The following FMN2 variants were observed in gnomAD, a reference collection of about 807,000 sequenced individuals.
FMN2 encodes formin-2.
In FMN2, 51 loss-of-function variants were observed where a neutral mutation model predicts 142.3. The ratio of observed to expected loss-of-function variants is 0.36; its 90% CI spans 0.29 to 0.45. FMN2 has a LOEUF of 0.45. FMN2 is among the 20% of genes least tolerant of loss of function. The probability of loss-of-function intolerance (pLI) is 1.00; values close to 1 mark genes in which losing one functional copy is unlikely to be tolerated. For missense variants in FMN2, 1,936 were observed against 2,122.8 expected (o/e 0.91, Z 1.73); for synonymous variants, 882 against 869.8 (o/e 1.01, Z -0.25).
At chr1:240,395,362 G>C (rs910685413) in intron 15 of FMN2, among the ~76,000 whole-genome samples, 32 of 152,314 alleles carry the variant, frequency 2.1e-4, no homozygotes, top group African/African-American at 7.2e-4. Flanking sequence ...TGTAGCTCAT[G>C]GATCAAGGAG....
chr1:240,108,188 C>A (rs1661685036), intron 1 of FMN2, among the ~76,000 whole-genome samples: 1 of 152,278 alleles, frequency 6.6e-6, no homozygotes, highest in Non-Finnish European at 1.5e-5. Context: ...GCAGGGAGTT[C>A]ATCATCCTTG....
intron 2 of FMN2, among the ~76,000 whole-genome samples, chr1:240,135,307 T>C (rs1026662105): frequency 2.0e-5 from 3 of 152,176 alleles, no homozygotes; most frequent in Non-Finnish European, 4.4e-5. Flanking sequence ...AAATCATGGA[T>C]GGGAACAGTC....
At chr1:240,380,490 C>A (rs1673187531) in intron 14 of FMN2, among the ~76,000 whole-genome samples, 1 of 152,012 alleles carries the variant, frequency 6.6e-6, no homozygotes, top group South Asian at 2.1e-4. Context: ...TAATTAAATC[C>A]TGTTGAACTG....
At chr1:240,305,230 A>G (rs915470909) in intron 8 of FMN2, among the ~76,000 whole-genome samples, 6 of 152,118 alleles carry the variant, frequency 3.9e-5, no homozygotes, top group African/African-American at 1.4e-4. Flanking sequence ...ACATTGGATA[A>G]TTTTGTATCT....
rs548142864 is a variant in FMN2 at position 240,136,255 on chromosome 1, C to T, written c.1782+12910C>T. On this transcript the variant is annotated intron_variant, in intron 2 of 17. Transcript: ENST00000319653. ...GGCAAAACGGGTGATGTTTTTCCCC[C>T]GTTATGCTCAATTCAAGTGCATCGT... Among the ~76,000 whole-genome samples the T allele has an allele frequency of 3.2e-4, 49 of 152,140 alleles. No homozygotes were observed. The South Asian group carries it at 4.2e-3, about 13-fold the overall frequency.
chr1:240,265,863 T>A (rs1668778087), intron 7 of FMN2, among the ~76,000 whole-genome samples: 1 of 151,770 alleles, frequency 6.6e-6, no homozygotes, highest in Non-Finnish European at 1.5e-5. Context: ...CTGTAGGCTT[T>A]GGAGGTGTTT....
chr1:240,309,850 G>A (rs1670543362), intron 8 of FMN2, among the ~76,000 whole-genome samples: 1 of 152,120 alleles, frequency 6.6e-6, no homozygotes, highest in Non-Finnish European at 1.5e-5. Context: ...GAGGGTTGAG[G>A]TTTTAGGAGG....
At chr1:240,209,474 C>T (rs1423558631) in intron 5 of FMN2, among the ~76,000 whole-genome samples, 2 of 149,300 alleles carry the variant, frequency 1.3e-5, no homozygotes, top group African/African-American at 4.9e-5. Flanking sequence ...AGGATGGTTT[C>T]CCATCTCCTG....
intron 1 of FMN2, among the ~76,000 whole-genome samples, chr1:240,106,289 T>C (rs1012743011): frequency 6.6e-6 from 1 of 152,220 alleles, no homozygotes; most frequent in African/African-American, 2.4e-5. Context: ...ATATGTAGTC[T>C]GTGTTAACAT....
At chr1:240,380,764 T>C (rs1352089348) in intron 14 of FMN2, among the ~76,000 whole-genome samples, 2 of 143,232 alleles carry the variant, frequency 1.4e-5, no homozygotes, top group African/African-American at 5.1e-5. Context: ...CTAAATGAGA[T>C]TGAGACCAAA....
chr1:240,154,107 C>CAA (rs3047182), intron 2 of FMN2, among the ~76,000 whole-genome samples: 1,231 of 55,260 alleles, frequency 0.022, 72 homozygotes, highest in African/African-American at 0.078. Flanking sequence ...GAGATTCCAT[C>CAA]AAAAAAAAAA....
intron 2 of FMN2, among the ~76,000 whole-genome samples, chr1:240,163,461 G>A (rs1664360585): frequency 6.6e-6 from 1 of 152,052 alleles, no homozygotes; most frequent in African/African-American, 2.4e-5. Context: ...CTCTCACTTT[G>A]TTTCTTATGA....
At chr1:240,433,175 C>T (rs1034567982) in intron 15 of FMN2, among the ~76,000 whole-genome samples, 16 of 152,184 alleles carry the variant, frequency 1.1e-4, no homozygotes, top group Admixed American at 7.2e-4. Flanking sequence ...GTTATGTCTT[C>T]TTGATAATGT....
intron 16 of FMN2, among the ~76,000 whole-genome samples, chr1:240,442,380 C>T (rs1675652745): frequency 6.6e-6 from 1 of 152,238 alleles, no homozygotes; most frequent in South Asian, 2.1e-4. Flanking sequence ...CTTAGCAGTT[C>T]ACAAACCTGA....
At chr1:240,238,971 G>T (rs566550224) in intron 6 of FMN2, among the ~76,000 whole-genome samples, 2 of 131,318 alleles carry the variant, frequency 1.5e-5, no homozygotes, top group Non-Finnish European at 3.2e-5. Flanking sequence ...TTGTGTGGGG[G>T]AGTATTGAAG....
intron 7 of FMN2, among the ~76,000 whole-genome samples, chr1:240,270,103 G>C (rs1668947043): frequency 6.6e-6 from 1 of 152,022 alleles, no homozygotes; most frequent in Non-Finnish European, 1.5e-5. Flanking sequence ...TCCTTGTCTT[G>C]TTTCTGATCT....
At chr1:240,217,375 G>T (rs1398673485) in intron 6 of FMN2, among the ~76,000 whole-genome samples, 1 of 152,178 alleles carries the variant, frequency 6.6e-6, no homozygotes, top group Non-Finnish European at 1.5e-5. Flanking sequence ...GTTGGCAAGG[G>T]TGTGTTTTGG....
intron 15 of FMN2, among the ~76,000 whole-genome samples, chr1:240,416,037 C>G (rs1352707059): frequency 6.6e-6 from 1 of 152,094 alleles, no homozygotes; most frequent in African/African-American, 2.4e-5. Flanking sequence ...GACCAGAGCC[C>G]CTTCCTCTTT....
chr1:240,361,633 A>T (rs1395440312), intron 14 of FMN2, among the ~76,000 whole-genome samples: 1 of 152,306 alleles, frequency 6.6e-6, no homozygotes, highest in South Asian at 2.1e-4. Context: ...AATCACTGAG[A>T]TAGAGAATAT....
Sources: allele counts gnomAD v4.1 joint callset (sites outside exome capture counted in the v4.1 genomes callset), GRCh38; gene constraint gnomAD v4.1.1; transcripts MANE v1.5; gene names NCBI Gene and HGNC (gene_info 2026-07-23, HGNC 2026-07-21).